ADGRA1: variants seen among roughly 807,000 people sequenced by gnomAD.
ADGRA1 encodes the protein G-protein coupled receptor 123.
A neutral mutation model predicts 21.3 loss-of-function variants in ADGRA1; 12 were observed. The ratio of observed to expected loss-of-function variants is 0.56; its 90% confidence interval spans 0.36 to 0.91. The LOEUF (loss-of-function observed/expected upper bound fraction) is 0.91, where lower values mean the gene tolerates loss of function less well. ADGRA1 is among the 40% of genes least tolerant of loss of function. The pLI is 0.01. For missense variants in ADGRA1, 790 were observed against 805.6 expected (o/e 0.98, Z 0.23); for synonymous variants, 385 against 368.8 (o/e 1.04, Z -0.50).
At chr10:133,097,296 C>T (rs896325358) in intron 3 of ADGRA1, among the ~76,000 whole-genome samples, 195 bp downstream of exon 3, 12 of 152,224 alleles carry the variant, frequency 7.9e-5, no homozygotes, top group Admixed American at 6.5e-5. Context: ...GTGGATGGAG[C>T]TCAGGGAAGC....
At chr10:133,107,267 A>C (rs995422215) in intron 5 of ADGRA1, among the ~76,000 whole-genome samples, 4 of 152,154 alleles carry the variant, frequency 2.6e-5, no homozygotes, top group African/African-American at 4.8e-5. Flanking sequence ...CTGTATATAT[A>C]ATTATCACGC....
At position 133,129,555 on chromosome 10, in the gene ADGRA1, G is replaced by A. The variant is rs1465879535; in HGVS notation, c.*44G>A. The A allele has an allele frequency of 1.3e-6, 2 of 1,504,762 alleles. No individual in the cohort carries two copies. The highest frequency in any genetic ancestry group is 8.9e-7 in the Non-Finnish European group (1 of 1,124,828). 93.2% of individuals were successfully genotyped at this position (1,504,762 alleles called of 1,614,324 possible). A position where few individuals can be genotyped will look rare whatever the true frequency, so the allele number is the denominator to read the frequency against. On this transcript the variant is annotated 3_prime_UTR_variant, in exon 7 of 7. Transcript: ENST00000392607. ...GTGTTCCTGGAGGAGCTTCAGAGCA[G>A]AGTGGGGGGCCCATCTGCCACATGA...
At chr10:133,112,376 C>T (rs1022523089) in intron 5 of ADGRA1, among the ~76,000 whole-genome samples, 41 of 148,342 alleles carry the variant, frequency 2.8e-4, no homozygotes, top group Admixed American at 2.2e-3. Flanking sequence ...CGGGCCGTGT[C>T]GGTTATTTGG....
At chr10:133,121,438 TGTGTGC>T (rs1449573654) in intron 5 of ADGRA1, among the ~76,000 whole-genome samples, 6 of 149,560 alleles carry the variant, frequency 4.0e-5, no homozygotes, top group Non-Finnish European at 7.4e-5. Flanking sequence ...TCAGTGTGCG[TGTGTGC>T]GTGTGCGTGG....
chr10:133,102,155 A>G, intron 4 of ADGRA1: 1 of 449,798 alleles, frequency 2.2e-6, no homozygotes. Context: ...GGCCACACGA[A>G]TGCCGGCCCC....
At chr10:133,090,587 G>A (rs1346209418) in intron 2 of ADGRA1, among the ~76,000 whole-genome samples, 1 of 152,176 alleles carries the variant, frequency 6.6e-6, no homozygotes. Context: ...CACAGCACGT[G>A]TCTCCAAGTT....
At chr10:133,106,625 G>A (rs1851897669) in intron 5 of ADGRA1, among the ~76,000 whole-genome samples, 2 of 152,256 alleles carry the variant, frequency 1.3e-5, no homozygotes, top group African/African-American at 2.4e-5. Context: ...CCCCAGGAAG[G>A]GCACCAGCCA....
chr10:133,108,005 C>T (rs1422930066), intron 5 of ADGRA1, among the ~76,000 whole-genome samples: 2 of 152,222 alleles, frequency 1.3e-5, no homozygotes, highest in African/African-American at 4.8e-5. Context: ...GTGGGTGACC[C>T]TGCACATCCT....
At chr10:133,099,446 C>T (rs970102006) in intron 4 of ADGRA1, among the ~76,000 whole-genome samples, 2 of 152,186 alleles carry the variant, frequency 1.3e-5, no homozygotes, top group Non-Finnish European at 2.9e-5. Flanking sequence ...AAATGTCACT[C>T]GGGGAACCCT....
intron 2 of ADGRA1, chr10:133,093,056 G>A (rs545327098): frequency 6.3e-7 from 1 of 1,592,778 alleles, no homozygotes; most frequent in Admixed American, 1.7e-5. Flanking sequence ...ACCTCACTGT[G>A]TAGGAAAGAA....
intron 2 of ADGRA1, among the ~76,000 whole-genome samples, chr10:133,094,400 G>C (rs780755596): frequency 4.6e-5 from 7 of 152,212 alleles, no homozygotes; most frequent in Non-Finnish European, 8.8e-5. Context: ...CAGACATCAG[G>C]GCACACACTT....
chr10:133,123,538 G>A (rs1564854177), intron 5 of ADGRA1, among the ~76,000 whole-genome samples: 1 of 152,210 alleles, frequency 6.6e-6, no homozygotes, highest in African/African-American at 2.4e-5. Context: ...GTAACTGTGT[G>A]TAGCTGGGGT....
chr10:133,092,794 G>A lies in ADGRA1; in HGVS notation c.3+3882G>A, dbSNP rs202125540. 6.4e-4 allele frequency among the ~76,000 whole-genome samples: 89 copies of A among 138,644 alleles called. 1 individual carries two copies. The East Asian group carries it at 0.016, about 25-fold the overall frequency. The allele number at this position is 138,644 out of a possible 152,430, so 91.0% of individuals were successfully genotyped here. Reference sequence around the variant, plus strand: ...GGAAGGAAGGAAGGAAGGAAGGAAGGAAGAGAGGGAGGGAAGGGAGGGAAG... The same window carrying A: ...GGAAGGAAGGAAGGAAGGAAGGAAGAAAGAGAGGGAGGGAAGGGAGGGAAG... On this transcript the variant is annotated intron_variant, in intron 2 of 6. Transcript: ENST00000392607.
At chr10:133,092,780 AGGAAG>A (rs1851618765) in intron 2 of ADGRA1, among the ~76,000 whole-genome samples, 1 of 111,912 alleles carries the variant, frequency 8.9e-6, no homozygotes, top group Non-Finnish European at 1.8e-5. Context: ...GAAGGAAGGA[AGGAAG>A]GAAGGAAGGA....
Position 133,097,003 on chromosome 10 carries a change from C to T in ADGRA1, c.33C>T (p.Arg11=). 2 of 1,613,448 alleles carry T rather than the reference C, an allele frequency of 1.2e-6. No individual in the cohort carries two copies. Among genetic ancestry groups the T allele is most frequent in the Non-Finnish European group, 8.5e-7 (1 of 1,179,814 alleles). ...TGAAGACAGTGCTCTCCCTGCCCCG[C>T]TACCCAGGGGAGTTCCTGCACCCCG... MDLKTVLSLP[R]YPGEFLHPVV... Residue 11 remains arginine, a synonymous_variant, in exon 3 of 7, where the codon CGC becomes CGT. Coordinates refer to ENST00000392607, the MANE Select transcript of ADGRA1 (RefSeq NM_001083909.3).
At chr10:133,093,695 C>T (rs568859739) in intron 2 of ADGRA1, among the ~76,000 whole-genome samples, 17 of 152,334 alleles carry the variant, frequency 1.1e-4, no homozygotes, top group South Asian at 8.3e-4. Flanking sequence ...TCCTCGGAAC[C>T]GTGTTCTTCA....
Position 133,130,465 on chromosome 10 carries a change from G to C in ADGRA1, c.*954G>C, listed in dbSNP as rs184201530. 1 of 152,110 alleles carries C rather than the reference G, an allele frequency of 6.6e-6. No individual in the cohort carries two copies. The highest frequency in any genetic ancestry group is 2.4e-5 in the African/African-American group (1 of 41,414). 9.4% of individuals were successfully genotyped at this position (152,110 alleles called of 1,614,324 possible). ...GACAAAATCCCTTTCCCTTTTTCTCGTCTCCATGAACATCTGGGTACCAAG... is the reference window on the plus strand; with the variant it reads ...GACAAAATCCCTTTCCCTTTTTCTCCTCTCCATGAACATCTGGGTACCAAG... On this transcript the variant is annotated 3_prime_UTR_variant, in exon 7 of 7. Coordinates refer to ENST00000392607, the MANE Select transcript of ADGRA1 (RefSeq NM_001083909.3).
chr10:133,095,597 G>A (rs943228550), intron 2 of ADGRA1: 14 of 1,542,916 alleles, frequency 9.1e-6, no homozygotes, highest in Admixed American at 5.5e-5. Flanking sequence ...TCGAACCCTG[G>A]GGCAGGGGCC....
At chr10:133,097,984 T>C (rs1469095197) in intron 3 of ADGRA1, among the ~76,000 whole-genome samples, 8 of 152,296 alleles carry the variant, frequency 5.3e-5, no homozygotes, top group African/African-American at 1.7e-4. Context: ...TGGTGGTTAG[T>C]GCCGTCCTAC....
Sources: allele counts gnomAD v4.1 joint callset (sites outside exome capture counted in the v4.1 genomes callset), GRCh38; gene constraint gnomAD v4.1.1; transcripts MANE v1.5; gene names NCBI Gene and HGNC (gene_info 2026-07-23, HGNC 2026-07-21).